The following ANAPC11 variants were observed in gnomAD, a reference collection of about 807,000 sequenced individuals.
ANAPC11 encodes the protein anaphase promoting complex subunit 11, also known as anaphase-promoting complex subunit 11.
ANAPC11 carries 5 observed loss-of-function variants against 11.8 expected under a neutral mutation model. That is an observed-to-expected ratio of 0.42 (90% CI 0.22 to 0.89). ANAPC11 has a LOEUF of 0.89. ANAPC11 is among the 40% of genes least tolerant of loss of function. The pLI is 0.28. For missense variants in ANAPC11, 68 were observed against 112.9 expected (o/e 0.60, Z 1.80); for synonymous variants, 45 against 41.0 (o/e 1.10, Z -0.38).
chr17:81,897,677 T>C (rs1429755366), intron 3 of ANAPC11, among the ~76,000 whole-genome samples: 1 of 152,110 alleles, frequency 6.6e-6, no homozygotes, highest in Admixed American at 6.6e-5. Context: ...AGAGACAGGG[T>C]TTTGCTATGT....
chr17:81,891,694 G>C, upstream of ANAPC11: 1 of 1,020,646 alleles, frequency 9.8e-7, no homozygotes, highest in Non-Finnish European at 1.2e-6. Flanking sequence ...ACGGCTGCGC[G>C]CGCGGGACGG....
At chr17:81,892,821 C>T (rs1386226018) in intron 1 of ANAPC11, among the ~76,000 whole-genome samples, 8 of 151,938 alleles carry the variant, frequency 5.3e-5, no homozygotes, top group African/African-American at 1.9e-4. Flanking sequence ...CCACACCCAG[C>T]CCATTTCATG....
At chr17:81,891,504 T>A, upstream of ANAPC11, 1 of 1,297,000 alleles carries the variant, frequency 7.7e-7, no homozygotes, top group Non-Finnish European at 9.9e-7. Context: ...GCCGCCTCGC[T>A]GGCTCCGGTT....
chr17:81,891,604 C>G (rs1003518315), upstream of ANAPC11: 16 of 1,390,378 alleles, frequency 1.2e-5, no homozygotes, highest in Non-Finnish European at 1.4e-5. Flanking sequence ...CGCGTCAGCA[C>G]GCCGGCACGT....
chr17:81,897,853 A>T, intron 3 of ANAPC11, among the ~76,000 whole-genome samples: 1 of 151,606 alleles, frequency 6.6e-6, no homozygotes. Context: ...CTGGTCTCAA[A>T]CTCTTGGCTC....
intron 3 of ANAPC11, among the ~76,000 whole-genome samples, chr17:81,896,864 G>A (rs1344027236): frequency 2.3e-5 from 3 of 129,532 alleles, no homozygotes; most frequent in Non-Finnish European, 4.7e-5. Context: ...TCAGACTGGA[G>A]TGCAATGGCA....
chr17:81,899,586 CAG>C (rs755752455), intron 3 of ANAPC11: 21 of 1,586,606 alleles, frequency 1.3e-5, no homozygotes, highest in Admixed American at 3.4e-5. Flanking sequence ...ACAGGGGACA[CAG>C]GGTGGGCTAG....
At chr17:81,896,627 T>C (rs1220230117) in intron 3 of ANAPC11, among the ~76,000 whole-genome samples, 1 of 151,904 alleles carries the variant, frequency 6.6e-6, no homozygotes, top group African/African-American at 2.4e-5. Context: ...ACCGAGAAGC[T>C]ACTCACTACC....
intron 1 of ANAPC11, chr17:81,893,056 T>G (rs1304396189): frequency 6.6e-6 from 1 of 151,328 alleles, no homozygotes; most frequent in African/African-American, 2.4e-5. Flanking sequence ...TTGCCCAGGC[T>G]GGAGTGCAGT....
intron 3 of ANAPC11, among the ~76,000 whole-genome samples, chr17:81,895,871 G>A (rs1424498259): frequency 1.3e-5 from 2 of 152,222 alleles, no homozygotes; most frequent in Non-Finnish European, 1.5e-5. Flanking sequence ...GGAGGCTGAG[G>A]CAGGAGAATC....
In ANAPC11 at chr17:81,899,671, G is replaced by A. The variant is rs562337983; in HGVS notation, c.110-249G>A. The A allele has an allele frequency of 8.0e-5, 95 of 1,185,400 alleles. 1 individual carries two copies. In the South Asian group the frequency reaches 8.4e-4, roughly 10 times the overall value. The allele number at this position is 1,185,400 out of a possible 1,614,324, so 73.4% of individuals were successfully genotyped here. ...ATGATGAGCCTGGGTGAGGGGAGGC[G>A]CCTGCTGCGGTTGCCCCGGGTGGAG... On this transcript the variant is annotated intron_variant, in intron 3 of 3. Coordinates refer to ENST00000344877, the MANE Select transcript of ANAPC11 (RefSeq NM_001002248.3).
At position 81,900,185 on chromosome 17, in the gene ANAPC11, G is replaced by T; in HGVS notation, c.*120G>T. The T allele has an allele frequency of 6.9e-7, 1 of 1,457,316 alleles. No homozygotes were observed. Among genetic ancestry groups the T allele is most frequent in the East Asian group, 2.4e-5 (1 of 41,032 alleles). The allele number at this position is 1,457,316 out of a possible 1,614,324, so 90.3% of individuals were successfully genotyped here. ...AGGTGGAAACAAGGGCTGGAGCTGC[G>T]TTTGTTTTGCCATCACTATGTTGAC... On this transcript the variant is annotated 3_prime_UTR_variant, in exon 4 of 4. Transcript: ENST00000344877.
At position 81,894,544 on chromosome 17, in the gene ANAPC11, T is replaced by C. The variant is rs2039666899; in HGVS notation, c.67T>C (p.Cys23Arg). ...TWLWVANDEN[C>R]GICRMAFNGC... ...GCTCTGGGTGGCCAACGATGAGAAC[T>C]GTGGCATCTGCAGGATGGCATTTAA... is the stretch of plus-strand genomic sequence containing the variant. Residue 23 changes from cysteine to arginine, a missense_variant, in exon 3 of 4, where the codon TGT becomes CGT. Physicochemically the swap from Cys to Arg is radical, Grantham distance 180 (BLOSUM62 -3). Transcript: ENST00000344877. 6.2e-7 allele frequency: 1 copy of C among 1,612,580 alleles called. No individual in the cohort carries two copies. Among genetic ancestry groups the C allele is most frequent in the Non-Finnish European group, 8.5e-7 (1 of 1,179,058 alleles).
chr17:81,897,430 G>A (rs987782598), intron 3 of ANAPC11, among the ~76,000 whole-genome samples: 6 of 152,054 alleles, frequency 3.9e-5, no homozygotes, highest in Non-Finnish European at 7.4e-5. Context: ...CACTGCACCC[G>A]CCCCTGTCTT....
chr17:81,897,068 T>C (rs968267039), intron 3 of ANAPC11, among the ~76,000 whole-genome samples: 1 of 152,190 alleles, frequency 6.6e-6, no homozygotes, highest in African/African-American at 2.4e-5. Context: ...TGGCACGATC[T>C]TGGCTCACTG....
At chr17:81,899,753 C>A in intron 3 of ANAPC11, 167 bp from the exon 4 acceptor site, 3 of 958,844 alleles carry the variant, frequency 3.1e-6, no homozygotes, top group Non-Finnish European at 4.6e-6. Context: ...GCGGGCTGGT[C>A]AGGAGACCGA....
At chr17:81,894,852 G>T in intron 3 of ANAPC11, 1 of 380,290 alleles carries the variant, frequency 2.6e-6, no homozygotes, top group Non-Finnish European at 4.7e-6. Flanking sequence ...CAAGCAGCTG[G>T]GATTACAGGC....
intron 3 of ANAPC11, among the ~76,000 whole-genome samples, chr17:81,897,763 C>A (rs142010421): frequency 6.6e-6 from 1 of 152,038 alleles, no homozygotes; most frequent in Non-Finnish European, 1.5e-5. Context: ...GGATTACAGA[C>A]GTGAGCCACC....
chr17:81,896,997 T>TTA (rs2039767620), intron 3 of ANAPC11, among the ~76,000 whole-genome samples: 2 of 150,698 alleles, frequency 1.3e-5, no homozygotes, highest in Non-Finnish European at 1.5e-5. Context: ...GTATTTTTAT[T>TTA]TTTATTTATT....
Sources: gnomAD v4.1 joint callset for allele counts (sites outside exome capture counted in the v4.1 genomes callset) on GRCh38, gnomAD v4.1.1 for gene constraint, MANE v1.5 for transcripts, NCBI Gene and HGNC (gene_info 2026-07-23, HGNC 2026-07-21) for gene names.